DDX42: variants seen among roughly 807,000 people sequenced by gnomAD.
The protein encoded by DDX42 is ATP-dependent RNA helicase DDX42.
DDX42 carries 22 observed loss-of-function variants against 101.5 expected under a neutral mutation model. The ratio of observed to expected loss-of-function variants is 0.22; its 90% CI spans 0.15 to 0.31. The LOEUF is 0.31. Among genes scored for constraint, DDX42 ranks in the 10% least tolerant of loss-of-function variants. The pLI, the probability that DDX42 is intolerant of heterozygous loss-of-function variation, is 1.00. For synonymous variants in DDX42, 402 were observed against 401.2 expected (o/e 1.00, Z -0.02); for missense variants, 849 against 1,199.9 (o/e 0.71, Z 4.32).
chr17:63,784,994 A>G (rs2039529278), intron 1 of DDX42, among the ~76,000 whole-genome samples: 1 of 152,228 alleles, frequency 6.6e-6, no homozygotes. Flanking sequence ...AGAAATCACT[A>G]AGACAATATG....
intron 1 of DDX42, among the ~76,000 whole-genome samples, chr17:63,779,201 C>A (rs902971581): frequency 6.6e-6 from 1 of 152,070 alleles, no homozygotes; most frequent in African/African-American, 2.4e-5. Context: ...ATGAAGAAAT[C>A]TTTTTTAAGA....
At chr17:63,787,812 A>G (rs1005776709) in intron 2 of DDX42, among the ~76,000 whole-genome samples, 5 of 152,046 alleles carry the variant, frequency 3.3e-5, no homozygotes, top group African/African-American at 9.7e-5. Flanking sequence ...TTGCACTCCA[A>G]CCTGGGCGAC....
chr17:63,798,209 C>A, intron 4 of DDX42, 110 bp downstream of exon 4: 1 of 933,656 alleles, frequency 1.1e-6, no homozygotes, highest in Non-Finnish European at 1.6e-6. Flanking sequence ...CACTTGTGTA[C>A]TTTACTTGAA....
Position 63,807,850 on chromosome 17 carries a change from G to A in DDX42, c.973G>A (p.Asp325Asn), listed in dbSNP as rs776436265. 6.2e-6 allele frequency: 10 copies of A among 1,614,018 alleles called. No individual in the cohort carries two copies. Among genetic ancestry groups the A allele is most frequent in the African/African-American group, 1.3e-5 (1 of 74,932 alleles). The part of the protein sequence containing the change: ...IMDQKELEPG[D>N]GPIAVIVCPT... Reference sequence around the variant, plus strand: ...GGACCAGAAGGAGTTGGAACCAGGTGATGGACCAATTGCAGTGATTGTGTG... The same window carrying A: ...GGACCAGAAGGAGTTGGAACCAGGTAATGGACCAATTGCAGTGATTGTGTG... The change falls in exon 9 of 18, where the codon GAT becomes AAT. Residue 325 changes from aspartate (D) to asparagine (N), a missense_variant. Asp to Asn is a conservative substitution (Grantham distance 23). Coordinates refer to ENST00000389924, the MANE Select transcript of DDX42 (RefSeq NM_203499.3).
chr17:63,784,065 C>CA (rs1567729775), intron 1 of DDX42, among the ~76,000 whole-genome samples: 1 of 151,322 alleles, frequency 6.6e-6, no homozygotes. Flanking sequence ...CTCTGTCTCC[C>CA]AAAAAAACAA....
At chr17:63,793,445 T>C (rs1189024343) in intron 3 of DDX42, among the ~76,000 whole-genome samples, 1 of 152,026 alleles carries the variant, frequency 6.6e-6, no homozygotes. Flanking sequence ...TTTTTAAAGT[T>C]TTTATAGAGG....
chr17:63,797,990 T>A (rs1302714503), intron 3 of DDX42, 48 bp from the exon 4 acceptor site: 2 of 1,548,836 alleles, frequency 1.3e-6, no homozygotes, highest in East Asian at 2.3e-5. Context: ...ATTGTTTCTT[T>A]CAGTGTTTTT....
At chr17:63,814,024 G>A (rs2665821) in intron 15 of DDX42, among the ~76,000 whole-genome samples, 100,343 of 151,830 alleles carry the variant, frequency 0.66, 33,653 homozygotes, top group African/African-American at 0.78. Context: ...AATTTTAGTA[G>A]AGATGGGGTT....
chr17:63,804,913 T>C, intron 6 of DDX42, 158 bp from the exon 7 acceptor site: 1 of 844,568 alleles, frequency 1.2e-6, no homozygotes, highest in Non-Finnish European at 1.8e-6. Context: ...TAGCTATACT[T>C]TTTAGGATCT....
At chr17:63,793,688 T>A (rs1189515266) in intron 3 of DDX42, among the ~76,000 whole-genome samples, 1 of 152,136 alleles carries the variant, frequency 6.6e-6, no homozygotes, top group African/African-American at 2.4e-5. Context: ...AAACAAATCA[T>A]TAAATATCCA....
At chr17:63,811,341 C>T (rs2039908093) in intron 13 of DDX42, 168 bp downstream of exon 13, 3 of 489,768 alleles carry the variant, frequency 6.1e-6, no homozygotes, top group Non-Finnish European at 1.1e-5. Context: ...CGTAACAAGA[C>T]TGGCAAAATG....
Position 63,811,928 on chromosome 17 carries a change from T to G in DDX42, c.1399-4T>G, listed in dbSNP as rs775713964. The G allele has an allele frequency of 6.2e-7, 1 of 1,614,248 alleles. No individual in the cohort carries two copies. The highest frequency in any genetic ancestry group is 8.5e-7 in the Non-Finnish European group (1 of 1,180,038). On this transcript the variant is annotated splice_region_variant and splice_polypyrimidine_tract_variant and intron_variant, in intron 13 of 17. Coordinates refer to ENST00000389924, the MANE Select transcript of DDX42 (RefSeq NM_203499.3). ...AATCATCTGTTTCATTTCTTCCTTCTCAGGCAAATGAAGATGTGACACAGA... is the reference window on the plus strand; with the variant it reads ...AATCATCTGTTTCATTTCTTCCTTCGCAGGCAAATGAAGATGTGACACAGA...
chr17:63,801,527 T>G (rs73333710), intron 6 of DDX42, among the ~76,000 whole-genome samples: 1 of 151,990 alleles, frequency 6.6e-6, no homozygotes, highest in Non-Finnish European at 1.5e-5. Flanking sequence ...CATGCCTTTA[T>G]TTTTTTGTTT....
chr17:63,790,778 A>C (rs1379339305), intron 2 of DDX42, among the ~76,000 whole-genome samples: 2 of 152,060 alleles, frequency 1.3e-5, no homozygotes, highest in Non-Finnish European at 2.9e-5. Context: ...AAAGACCACA[A>C]AAATTAACTG....
chr17:63,779,756 G>C (rs1445194636), intron 1 of DDX42, among the ~76,000 whole-genome samples: 2 of 147,960 alleles, frequency 1.4e-5, no homozygotes, highest in Non-Finnish European at 3.0e-5. Flanking sequence ...TTTTCTTTTT[G>C]TTTTCTTTGT....
At chr17:63,811,631 T>G (rs934263736) in intron 13 of DDX42, 4 of 507,520 alleles carry the variant, frequency 7.9e-6, no homozygotes, top group Admixed American at 3.3e-5. Flanking sequence ...TTACTCTGAA[T>G]TGGGACTTGG....
At chr17:63,805,408 TATATG>T (rs2039826935) in intron 7 of DDX42, 1 of 478,186 alleles carries the variant, frequency 2.1e-6, no homozygotes, top group Non-Finnish European at 3.5e-6. Context: ...CAGTCAGTTT[TATATG>T]TTCTGTGCTG....
chr17:63,797,510 C>T (rs773324568), intron 3 of DDX42, among the ~76,000 whole-genome samples: 2 of 134,844 alleles, frequency 1.5e-5, no homozygotes, highest in Non-Finnish European at 3.3e-5. Flanking sequence ...TGTTGTGGGG[C>T]TTTCCTGTGT....
Position 63,818,152 on chromosome 17 carries a change from TC to T in DDX42, c.2572del (p.Arg858GlyfsTer94), listed in dbSNP as rs1163801952. The T allele has an allele frequency of 6.2e-7, 1 of 1,613,488 alleles. No individual in the cohort carries two copies. The highest frequency in any genetic ancestry group is 8.5e-7 in the Non-Finnish European group (1 of 1,179,938). ...ESSSRHTDGH[R>X]HGENRHGGSA... ...GCAGCAGCCGTCATACTGATGGCCA[TC>T]GGCACGGGGAGAACAGACATGGAGG... On this transcript the variant is annotated frameshift_variant, in exon 18 of 18. Coordinates refer to ENST00000389924, the MANE Select transcript of DDX42 (RefSeq NM_203499.3). LOFTEE classifies it high-confidence loss of function.
Sources: gnomAD v4.1 joint callset for allele counts (sites outside exome capture counted in the v4.1 genomes callset) on GRCh38, gnomAD v4.1.1 for gene constraint, MANE v1.5 for transcripts, NCBI Gene and HGNC (gene_info 2026-07-23, HGNC 2026-07-21) for gene names.